The following GFM2 variants were observed in gnomAD, a reference collection of about 807,000 sequenced individuals.
GFM2 encodes the protein GTP dependent ribosome recycling factor mitochondrial 2.
In GFM2, 72 loss-of-function variants were observed where a neutral mutation model predicts 95.4. The observed-to-expected ratio is 0.76, with a 90% confidence interval of 0.62 to 0.92. GFM2 has a LOEUF of 0.92. GFM2 is among the 40% of genes least tolerant of loss of function. The pLI is 0.00. For synonymous variants in GFM2, 276 were observed against 317.5 expected (o/e 0.87, Z 1.39); for missense variants, 825 against 924.1 (o/e 0.89, Z 1.39).
chr5:74,741,419 C>A, intron 11 of GFM2, 110 bp downstream of exon 11: 1 of 621,442 alleles, frequency 1.6e-6, no homozygotes, highest in East Asian at 2.8e-5. Context: ...TTACCACTTT[C>A]TAATAATATG....
intron 10 of GFM2, among the ~76,000 whole-genome samples, chr5:74,744,240 A>G (rs1299228440): frequency 6.6e-6 from 1 of 152,320 alleles, no homozygotes; most frequent in Non-Finnish European, 1.5e-5. Flanking sequence ...AATGGTAAGT[A>G]TTTGTGTATC....
At chr5:74,731,185 G>T (rs990615273) in intron 16 of GFM2, among the ~76,000 whole-genome samples, 2 of 152,156 alleles carry the variant, frequency 1.3e-5, no homozygotes, top group Non-Finnish European at 2.9e-5. Context: ...CTTGTAAATG[G>T]GGGGAATAAC....
At chr5:74,738,717 C>A in intron 12 of GFM2, 75 bp from the exon 13 acceptor site, 1 of 1,397,430 alleles carries the variant, frequency 7.2e-7, no homozygotes, top group Non-Finnish European at 9.7e-7. Flanking sequence ...TTAATGTCCC[C>A]AAAGATCTAT....
chr5:74,762,081 T>C (rs992614412), intron 2 of GFM2, among the ~76,000 whole-genome samples: 1 of 152,188 alleles, frequency 6.6e-6, no homozygotes, highest in Non-Finnish European at 1.5e-5. Flanking sequence ...GGCCACTTAA[T>C]GAGATCACAA....
Position 74,733,114 on chromosome 5 carries a change from C to G in GFM2, c.1511-16G>C, listed in dbSNP as rs1475249095. ...TGTTCCAAATCTATGGGATAAACAA[C>G]TGTTATCTTTACATTTCATTTTTTA... On this transcript the variant is annotated splice_polypyrimidine_tract_variant and intron_variant, in intron 15 of 20. Coordinates refer to ENST00000296805, the MANE Select transcript of GFM2 (RefSeq NM_032380.5). 1 of 1,552,134 alleles carries G rather than the reference C, an allele frequency of 6.4e-7. No individual in the cohort carries two copies. The highest frequency in any genetic ancestry group is 1.7e-5 in the Admixed American group (1 of 59,908).
At chr5:74,743,266 A>G (rs1030804070) in intron 10 of GFM2, among the ~76,000 whole-genome samples, 33 of 152,156 alleles carry the variant, frequency 2.2e-4, no homozygotes, top group African/African-American at 7.5e-4. Flanking sequence ...TTGAGTATAT[A>G]CCCAAAAAGT....
At position 74,737,966 on chromosome 5, in the gene GFM2, AT is replaced by A. The variant is rs541379178; in HGVS notation, c.1320+351del. Among the ~76,000 whole-genome samples, 6 of 152,198 alleles carry A rather than the reference AT, an allele frequency of 3.9e-5. No individual in the cohort carries two copies. In the East Asian group the frequency reaches 9.7e-4, roughly 24 times the overall value. On this transcript the variant is annotated intron_variant, in intron 14 of 20. Transcript: ENST00000296805. ...CTGATCAGTTATAAGTCTAGGTTAA[AT>A]TTTTTGCAATGCTCAAGATAGGAAT...
chr5:74,753,559 T>C (rs1368915686), intron 5 of GFM2, among the ~76,000 whole-genome samples: 1 of 152,110 alleles, frequency 6.6e-6, no homozygotes, highest in Non-Finnish European at 1.5e-5. Context: ...ATTGTACCAC[T>C]GCACCTTAGC....
At position 74,721,523 on chromosome 5, in the gene GFM2, T is replaced by C. The variant is rs1434929188; in HGVS notation, c.*132A>G. 5.9e-6 allele frequency: 6 copies of C among 1,017,798 alleles called. No individual in the cohort carries two copies. The highest frequency in any genetic ancestry group is 4.2e-5 in the South Asian group (3 of 71,950). 63.0% of individuals were successfully genotyped at this position (1,017,798 alleles called of 1,614,324 possible). A position where few individuals can be genotyped will look rare whatever the true frequency, so the allele number is the denominator to read the frequency against. The stretch of plus-strand genomic sequence containing the variant: ...AGTGCCACTATCAAAGCTTAAGTTA[T>C]ATCTTTTATCTAGTTCTCTGAATGT... On this transcript the variant is annotated 3_prime_UTR_variant, in exon 21 of 21. Coordinates refer to ENST00000296805, the MANE Select transcript of GFM2 (RefSeq NM_032380.5).
chr5:74,743,252 T>C (rs1360567459), intron 10 of GFM2, among the ~76,000 whole-genome samples: 5 of 152,190 alleles, frequency 3.3e-5, no homozygotes, highest in Non-Finnish European at 7.4e-5. Flanking sequence ...TCTTTTCAAT[T>C]CTTTTGAGTA....
rs1193466383 is a variant in GFM2 at position 74,750,538 on chromosome 5, C to T, written c.519+41G>A. 5.0e-6 allele frequency: 7 copies of T among 1,400,386 alleles called. No individual in the cohort carries two copies. The African/African-American group carries it at 7.1e-5, about 14-fold the overall frequency. 86.7% of individuals were successfully genotyped at this position (1,400,386 alleles called of 1,614,324 possible). A position where few individuals can be genotyped will look rare whatever the true frequency, so the allele number is the denominator to read the frequency against. ...TGACATATTCTACTTTTTAAAAAAT[C>T]ATGCTGTTCTAATTCCCTTTACTTT... On this transcript the variant is annotated intron_variant, in intron 7 of 20. Coordinates refer to ENST00000296805, the MANE Select transcript of GFM2 (RefSeq NM_032380.5).
chr5:74,749,971 G>A (rs1030641004), intron 7 of GFM2, among the ~76,000 whole-genome samples: 6 of 152,178 alleles, frequency 3.9e-5, no homozygotes, highest in Non-Finnish European at 5.9e-5. Flanking sequence ...TGAGGTATGT[G>A]TGTGAGGCGT....
intron 5 of GFM2, among the ~76,000 whole-genome samples, chr5:74,757,068 A>C (rs1744023835): frequency 1.3e-5 from 2 of 152,202 alleles, no homozygotes; most frequent in Admixed American, 6.5e-5. Context: ...TTGAAATAAA[A>C]AATAAAATAA....
chr5:74,760,953 T>A lies in GFM2; in HGVS notation c.97A>T (p.Lys33Ter). ...AGCGGCACATGTGGCTTTAATCTTT[T>A]TAAACTTGCTCTTATTTTATAGCAG... Reference protein sequence around the residue: ...ICCYKIRASLKRLKPHVPLGR... With the variant: ...ICCYKIRASL Residue 33 changes from lysine to a stop codon, truncating the protein, a stop_gained, in exon 3 of 21, where the codon AAA becomes TAA. Coordinates refer to ENST00000296805, the MANE Select transcript of GFM2 (RefSeq NM_032380.5). LOFTEE classifies it high-confidence loss of function. The A allele has an allele frequency of 6.2e-7, 1 of 1,609,750 alleles. No homozygotes were observed. Among genetic ancestry groups the A allele is most frequent in the Non-Finnish European group, 8.5e-7 (1 of 1,176,474 alleles).
intron 17 of GFM2, among the ~76,000 whole-genome samples, chr5:74,728,161 G>T (rs1750233840): frequency 1.3e-5 from 2 of 152,056 alleles, no homozygotes. Flanking sequence ...ATAATGTGGG[G>T]GCTAGGCGTG....
chr5:74,766,895 G>C (rs1223069844), intron 1 of GFM2, 43 bp downstream of exon 1: 1 of 153,662 alleles, frequency 6.5e-6, no homozygotes, highest in East Asian at 1.9e-4. Context: ...GCTGTGACAG[G>C]GTCACAGGCG....
chr5:74,759,999 AT>A (rs1396747983), intron 3 of GFM2, among the ~76,000 whole-genome samples: 3 of 152,180 alleles, frequency 2.0e-5, no homozygotes, highest in Non-Finnish European at 2.9e-5. Context: ...TATTTCTTAA[AT>A]AAAAAAGTCC....
intron 2 of GFM2, 135 bp from the exon 3 acceptor site, chr5:74,761,121 C>T: frequency 1.7e-6 from 1 of 574,522 alleles, no homozygotes; most frequent in Admixed American, 3.3e-5. Context: ...TTATTAACTC[C>T]AATTCTTTTA....
chr5:74,752,908 TAGC>T (rs1242317131), intron 5 of GFM2, among the ~76,000 whole-genome samples: 1 of 152,112 alleles, frequency 6.6e-6, no homozygotes, highest in African/African-American at 2.4e-5. Context: ...ATCTGAACAG[TAGC>T]CCTTAAGTGC....
Sources: allele counts gnomAD v4.1 joint callset (sites outside exome capture counted in the v4.1 genomes callset), GRCh38; gene constraint gnomAD v4.1.1; transcripts MANE v1.5; gene names NCBI Gene and HGNC (gene_info 2026-07-23, HGNC 2026-07-21).